Variants in BRINP3 observed in about 807,000 individuals in gnomAD.
BRINP3 encodes BMP/retinoic acid inducible neural specific 3.
A neutral mutation model predicts 71.0 loss-of-function variants in BRINP3; 19 were observed. That is an observed-to-expected ratio of 0.27 (90% CI 0.19 to 0.39). BRINP3 has a LOEUF of 0.39. Among genes scored for constraint, BRINP3 ranks in the 10% least tolerant of loss-of-function variants. The probability of loss-of-function intolerance (pLI) is 1.00; values close to 1 mark genes in which losing one functional copy is unlikely to be tolerated. For synonymous variants in BRINP3, 380 were observed against 337.7 expected (o/e 1.13, Z -1.37); for missense variants, 959 against 940.8 (o/e 1.02, Z -0.25).
chr1:190,382,067 A>G (rs2102252851), intron 2 of BRINP3, among the ~76,000 whole-genome samples: 1 of 152,276 alleles, frequency 6.6e-6, no homozygotes, highest in East Asian at 1.9e-4. Flanking sequence ...CTATACTATT[A>G]GTAACACTTT....
intron 7 of BRINP3, among the ~76,000 whole-genome samples, chr1:190,116,788 G>A (rs557431838): frequency 6.6e-6 from 1 of 152,096 alleles, no homozygotes; most frequent in African/African-American, 2.4e-5. Context: ...ATTTGCCTGT[G>A]AAATATTTTT....
rs1212789015 is a variant in BRINP3, at chr1:190,405,490, AAAC to A, written c.236+49162_236+49164del. 3.1e-4 allele frequency among the ~76,000 whole-genome samples: 17 copies of A among 54,556 alleles called. 4 individuals carry two copies. Among genetic ancestry groups the A allele is most frequent in the South Asian group, 1.1e-3 (2 of 1,740 alleles). 35.8% of individuals were successfully genotyped at this position (54,556 alleles called of 152,430 possible). ...AAAAAAAAAAAAAAAAAAAAAAAAA[AAAC>A]CAGAATCAGAAGCGTGACATATCAT... is the stretch of plus-strand genomic sequence containing the variant. On this transcript the variant is annotated intron_variant, in intron 2 of 7. Coordinates refer to ENST00000367462, the MANE Select transcript of BRINP3 (RefSeq NM_199051.3).
chr1:190,397,750 TAAATTA>T (rs1298289194), intron 2 of BRINP3, among the ~76,000 whole-genome samples: 1 of 151,890 alleles, frequency 6.6e-6, no homozygotes, highest in African/African-American at 2.4e-5. Context: ...TGTGAATAAT[TAAATTA>T]AATAATTTTA....
chr1:190,170,920 G>A (rs950945904), intron 6 of BRINP3, among the ~76,000 whole-genome samples: 1 of 152,090 alleles, frequency 6.6e-6, no homozygotes, highest in African/African-American at 2.4e-5. Context: ...AGTTATTGCT[G>A]TAATGTCTGC....
At chr1:190,353,393 A>G (rs757812657) in intron 2 of BRINP3, among the ~76,000 whole-genome samples, 2 of 152,164 alleles carry the variant, frequency 1.3e-5, no homozygotes, top group Non-Finnish European at 2.9e-5. Context: ...GGTTTTTGAA[A>G]GTGAGAAGAT....
At chr1:190,473,785 T>G (rs1677308965) in intron 1 of BRINP3, among the ~76,000 whole-genome samples, 1 of 151,744 alleles carries the variant, frequency 6.6e-6, no homozygotes, top group Admixed American at 6.6e-5. Flanking sequence ...TTTTTTTTTT[T>G]TTTCAGTTTT....
chr1:190,263,587 C>G (rs898333926), intron 4 of BRINP3, among the ~76,000 whole-genome samples: 1 of 129,454 alleles, frequency 7.7e-6, no homozygotes, highest in Non-Finnish European at 1.6e-5. Flanking sequence ...GAAGTAGTAA[C>G]TTTTTTTTTT....
chr1:190,327,012 GA>G (rs34143992), intron 2 of BRINP3, among the ~76,000 whole-genome samples: 56,174 of 137,176 alleles, frequency 0.41, 11,658 homozygotes, highest in Non-Finnish European at 0.5. Context: ...TGTCAAGTTA[GA>G]AAAAAAAAAA....
intron 2 of BRINP3, among the ~76,000 whole-genome samples, chr1:190,310,875 C>T (rs550010490): frequency 1.3e-5 from 2 of 151,624 alleles, no homozygotes; most frequent in East Asian, 1.9e-4. Flanking sequence ...ATAGATTAGC[C>T]CATGATGCAT....
At chr1:190,335,790 A>C (rs1468482160) in intron 2 of BRINP3, among the ~76,000 whole-genome samples, 2 of 151,968 alleles carry the variant, frequency 1.3e-5, no homozygotes, top group Non-Finnish European at 2.9e-5. Flanking sequence ...AGCTCCTGTA[A>C]ACTTGTCTAG....
intron 2 of BRINP3, among the ~76,000 whole-genome samples, chr1:190,408,992 G>A (rs900977227): frequency 2.6e-5 from 4 of 152,198 alleles, no homozygotes; most frequent in Admixed American, 2.6e-4. Flanking sequence ...GGGAGTTGTT[G>A]CTAGTAGCAT....
At chr1:190,309,079 G>A (rs1451536966) in intron 2 of BRINP3, among the ~76,000 whole-genome samples, 2 of 151,848 alleles carry the variant, frequency 1.3e-5, no homozygotes, top group African/African-American at 2.4e-5. Flanking sequence ...TAAGCAAAGT[G>A]TGGTATCGAT....
chr1:190,363,278 T>A (rs1669269438), intron 2 of BRINP3, among the ~76,000 whole-genome samples: 1 of 152,038 alleles, frequency 6.6e-6, no homozygotes, highest in Non-Finnish European at 1.5e-5. Context: ...GACCCTGAGA[T>A]TCAGAGAGGA....
chr1:190,333,286 G>C (rs1360920712), intron 2 of BRINP3, among the ~76,000 whole-genome samples: 3 of 151,928 alleles, frequency 2.0e-5, no homozygotes, highest in South Asian at 2.1e-4. Context: ...CAATCGTAGA[G>C]AGTTTTCTGA....
At chr1:190,429,356 T>C (rs1673936306) in intron 2 of BRINP3, among the ~76,000 whole-genome samples, 1 of 152,144 alleles carries the variant, frequency 6.6e-6, no homozygotes, top group Non-Finnish European at 1.5e-5. Context: ...TTGGAAACTA[T>C]GCAACCACTA....
chr1:190,223,914 C>T (rs1280106355), intron 6 of BRINP3, among the ~76,000 whole-genome samples: 1 of 151,468 alleles, frequency 6.6e-6, no homozygotes, highest in Non-Finnish European at 1.5e-5. Flanking sequence ...GTATAAAATA[C>T]CTCAAAGCAA....
intron 6 of BRINP3, among the ~76,000 whole-genome samples, chr1:190,161,536 A>T (rs886089674): frequency 2.6e-5 from 4 of 152,064 alleles, no homozygotes; most frequent in Non-Finnish European, 4.4e-5. Context: ...TGCTAAAAAA[A>T]TACTGAAAAG....
chr1:190,380,593 T>C (rs2102244198), intron 2 of BRINP3, among the ~76,000 whole-genome samples: 1 of 152,156 alleles, frequency 6.6e-6, no homozygotes, highest in East Asian at 1.9e-4. Flanking sequence ...GGACTGAGAT[T>C]TAAGGCAAGG....
At chr1:190,247,463 C>G (rs114944372) in intron 4 of BRINP3, among the ~76,000 whole-genome samples, 2,918 of 152,012 alleles carry the variant, frequency 0.019, 65 homozygotes, top group Middle Eastern at 0.061. Context: ...AATAACTGCA[C>G]AGAAGAATTG....
Sources: allele counts gnomAD v4.1 joint callset (sites outside exome capture counted in the v4.1 genomes callset), GRCh38; gene constraint gnomAD v4.1.1; transcripts MANE v1.5; gene names NCBI Gene and HGNC (gene_info 2026-07-23, HGNC 2026-07-21).